DMD: variants seen among roughly 807,000 people sequenced by gnomAD.
DMD encodes the protein mutant dystrophin.
A neutral mutation model predicts 330.1 loss-of-function variants in DMD; 63 were observed. The ratio of observed to expected loss-of-function variants is 0.19; its 90% confidence interval spans 0.16 to 0.24. The LOEUF is 0.24. Ranked by LOEUF, DMD falls within the 10% of genes least tolerant of loss-of-function variation. DMD has a pLI of 1.00. For synonymous variants in DMD, 1,223 were observed against 959.8 expected (o/e 1.27, Z -5.07); for missense variants, 3,344 against 2,684.1 (o/e 1.25, Z -5.43).
At chrX:31,525,350 G>A (rs1380800894) in intron 55 of DMD, among the ~76,000 whole-genome samples, 3 of 111,632 alleles carry the variant, frequency 2.7e-5, no homozygotes, top group Non-Finnish European at 3.8e-5. Context: ...TAATGTCTAC[G>A]TTACTTACAG....
At chrX:32,740,279 C>T (rs1195161907) in intron 7 of DMD, among the ~76,000 whole-genome samples, 1 of 110,005 alleles carries the variant, frequency 9.1e-6, no homozygotes, top group African/African-American at 3.3e-5. Flanking sequence ...TCTTTTGAGT[C>T]GCTGAGATAT....
chrX:32,580,279 C>T lies in DMD; in HGVS notation c.1603-6433G>A. The stretch of plus-strand genomic sequence containing the variant: ...AATGTCTTGCACAAATATCCCAAAA[C>T]TGAATACTACTACTGTCGTTATCAA... On this transcript the variant is annotated intron_variant, in intron 13 of 78. Coordinates refer to ENST00000357033, the MANE Select transcript of DMD (RefSeq NM_004006.3). Among the ~76,000 whole-genome samples, 2 of 111,952 alleles carry T rather than the reference C, an allele frequency of 1.8e-5. 1 individual carries two copies. Among genetic ancestry groups the T allele is most frequent in the Middle Eastern group, 9.1e-3 (2 of 219 alleles).
In DMD at chrX:32,813,896, A is replaced by C. The variant is rs188052854; in HGVS notation, c.530+2572T>G. Among the ~76,000 whole-genome samples, 702 of 112,171 alleles carry C rather than the reference A, an allele frequency of 6.3e-3. 1 individual carries two copies. Among genetic ancestry groups the C allele is most frequent in the Middle Eastern group, 0.028 (6 of 218 alleles). The stretch of plus-strand genomic sequence containing the variant: ...AACTATAAAATGATTATAAGTAATA[A>C]AATTAGGAAATACCTGGGGATGAAA... On this transcript the variant is annotated intron_variant, in intron 6 of 78. Coordinates refer to ENST00000357033, the MANE Select transcript of DMD (RefSeq NM_004006.3).
chrX:32,756,496 T>C (rs2071523082), intron 7 of DMD: 1 of 111,775 alleles, frequency 8.9e-6, no homozygotes, highest in Admixed American at 9.5e-5. Context: ...TCTTCAAATA[T>C]TTAAATAACC....
intron 52 of DMD, among the ~76,000 whole-genome samples, chrX:31,700,783 C>G (rs1497438): frequency 0.43 from 47,183 of 110,637 alleles, 8,171 homozygotes; most frequent in African/African-American, 0.63. Flanking sequence ...GAAACTATTG[C>G]TTAAGATGAA....
At chrX:32,241,985 A>T (rs887297573) in intron 43 of DMD, among the ~76,000 whole-genome samples, 2 of 111,648 alleles carry the variant, frequency 1.8e-5, no homozygotes, top group Non-Finnish European at 3.8e-5. Flanking sequence ...GGTTCTATAC[A>T]GTTTACAAGA....
chrX:32,839,171 G>T (rs1027497422), intron 4 of DMD, among the ~76,000 whole-genome samples: 5 of 110,234 alleles, frequency 4.5e-5, no homozygotes, highest in Non-Finnish European at 9.5e-5. Flanking sequence ...CTACCTCTCT[G>T]CTCCCCTATC....
At chrX:32,389,990 C>T in intron 31 of DMD, 81 bp downstream of exon 31, 2 of 789,505 alleles carry the variant, frequency 2.5e-6, no homozygotes, top group South Asian at 4.2e-5. Context: ...TCCAATCTTG[C>T]CAATAATCAA....
At chrX:31,276,386 A>C (rs2052118602) in intron 62 of DMD, among the ~76,000 whole-genome samples, 1 of 111,994 alleles carries the variant, frequency 8.9e-6, no homozygotes, top group Admixed American at 9.5e-5. Context: ...ATCACAGTGC[A>C]TGATGTGGTT....
intron 55 of DMD, among the ~76,000 whole-genome samples, chrX:31,563,888 A>C (rs1008395569): frequency 9.0e-6 from 1 of 111,714 alleles, no homozygotes; most frequent in Non-Finnish European, 1.9e-5. Flanking sequence ...TGAAGTCCTA[A>C]CCCCTGGTAC....
At chrX:32,944,607 A>ATTT (rs3083092) in intron 2 of DMD, among the ~76,000 whole-genome samples, 3 of 96,548 alleles carry the variant, frequency 3.1e-5, no homozygotes, top group East Asian at 3.3e-4. Flanking sequence ...CTTTTAGTAG[A>ATTT]TTTTTTTTTT....
At chrX:32,331,160 T>A (rs776253932) in intron 41 of DMD, among the ~76,000 whole-genome samples, 2 of 111,764 alleles carry the variant, frequency 1.8e-5, no homozygotes, top group South Asian at 7.3e-4. Context: ...GACTGTAACA[T>A]CAGTCAAGAA....
At chrX:32,835,805 A>C (rs977013625) in intron 4 of DMD, among the ~76,000 whole-genome samples, 4 of 111,540 alleles carry the variant, frequency 3.6e-5, no homozygotes, top group Non-Finnish European at 7.5e-5. Context: ...AGGAAAAGAG[A>C]GAAGACAAAA....
At chrX:31,993,310 A>T (rs1419171302) in intron 44 of DMD, among the ~76,000 whole-genome samples, 1 of 111,926 alleles carries the variant, frequency 8.9e-6, no homozygotes, top group Non-Finnish European at 1.9e-5. Flanking sequence ...TTATCATAGG[A>T]AAGAATCTTA....
At chrX:33,234,321 C>A (rs191899653) in intron 1 of DMD, among the ~76,000 whole-genome samples, 1 of 111,419 alleles carries the variant, frequency 9.0e-6, no homozygotes, top group African/African-American at 3.3e-5. Context: ...TAGGATCATG[C>A]TGCCAACCTC....
intron 43 of DMD, among the ~76,000 whole-genome samples, chrX:32,276,352 G>T (rs988428721): frequency 2.7e-5 from 3 of 112,449 alleles, no homozygotes; most frequent in Non-Finnish European, 5.6e-5. Flanking sequence ...TGGGCTAAGA[G>T]CTAGAGGACT....
At chrX:32,225,580 T>C (rs716729) in intron 43 of DMD, among the ~76,000 whole-genome samples, 10,797 of 111,269 alleles carry the variant, frequency 0.097, 540 homozygotes, top group Admixed American at 0.15. Flanking sequence ...TAATCCCCAA[T>C]GTTGGAGGTG....
At chrX:32,885,833 A>G (rs866936048) in intron 2 of DMD, among the ~76,000 whole-genome samples, 4 of 105,823 alleles carry the variant, frequency 3.8e-5, no homozygotes, top group Non-Finnish European at 7.7e-5. Flanking sequence ...GGGGGAAAAA[A>G]AAAAAAAAAA....
At chrX:33,162,812 T>C (rs1011149384) in intron 1 of DMD, among the ~76,000 whole-genome samples, 2 of 111,374 alleles carry the variant, frequency 1.8e-5, no homozygotes, top group African/African-American at 6.5e-5. Context: ...GTAAAATTTT[T>C]ATTGCTTATA....
Sources: allele counts gnomAD v4.1 joint callset (sites outside exome capture counted in the v4.1 genomes callset), GRCh38; gene constraint gnomAD v4.1.1; transcripts MANE v1.5; gene names NCBI Gene and HGNC (gene_info 2026-07-23, HGNC 2026-07-21).